The following CNTN3 variants were observed in gnomAD, a reference collection of about 807,000 sequenced individuals.
CNTN3 encodes the protein contactin 3.
Under a neutral mutation model 119.1 loss-of-function variants are expected in CNTN3, and 60 were observed. The observed-to-expected ratio is 0.50, with a 90% CI of 0.41 to 0.62. CNTN3 has a LOEUF of 0.62. CNTN3 is among the 20% of genes least tolerant of loss of function. CNTN3 has a pLI of 0.00. For missense variants in CNTN3, 1,101 were observed against 1,242.4 expected (o/e 0.89, Z 1.71); for synonymous variants, 450 against 438.7 (o/e 1.03, Z -0.32).
Position 74,456,301 on chromosome 3 carries a change from G to A in CNTN3, c.358+30155C>T, listed in dbSNP as rs116055937. Among the ~76,000 whole-genome samples the A allele has an allele frequency of 5.4e-3, 824 of 152,068 alleles. 9 individuals are homozygous for A. The highest frequency in any genetic ancestry group is 0.018 in the African/African-American group (757 of 41,506). On this transcript the variant is annotated intron_variant, in intron 4 of 22. Coordinates refer to ENST00000263665, the MANE Select transcript of CNTN3 (RefSeq NM_020872.3). ...ATGTTTAGTTAGTTACTTTTAAACT[G>A]CTTTACAAAACCCCTATCATCTTCC...
intron 13 of CNTN3, among the ~76,000 whole-genome samples, chr3:74,309,341 G>A (rs1449843207): frequency 1.3e-5 from 2 of 152,078 alleles, no homozygotes; most frequent in African/African-American, 4.8e-5. Flanking sequence ...CTGACCTCAA[G>A]TGATCCACCC....
At chr3:74,461,127 C>T (rs1025853473) in intron 4 of CNTN3, among the ~76,000 whole-genome samples, 3 of 151,800 alleles carry the variant, frequency 2.0e-5, no homozygotes, top group Admixed American at 6.6e-5. Context: ...TTCTTTCCCT[C>T]GCTGATATGA....
chr3:74,598,305 T>C (rs1204005172), intron 1 of CNTN3, among the ~76,000 whole-genome samples: 2 of 151,994 alleles, frequency 1.3e-5, no homozygotes, highest in Admixed American at 6.6e-5. Flanking sequence ...CCCAGCCATT[T>C]CGGTTGCCCC....
intron 22 of CNTN3, among the ~76,000 whole-genome samples, chr3:74,265,666 G>A (rs547572308): frequency 5.9e-5 from 9 of 152,084 alleles, no homozygotes; most frequent in Middle Eastern, 3.4e-3. Context: ...TTCTATTTCC[G>A]TTTCTCTTCA....
intron 1 of CNTN3, among the ~76,000 whole-genome samples, chr3:74,552,763 T>C (rs1704010430): frequency 6.7e-6 from 1 of 148,916 alleles, no homozygotes; most frequent in Non-Finnish European, 1.5e-5. Context: ...CTTATGATAG[T>C]GAGTGAGCTC....
chr3:74,314,807 G>T (rs1702789324), intron 13 of CNTN3, among the ~76,000 whole-genome samples: 1 of 152,096 alleles, frequency 6.6e-6, no homozygotes, highest in African/African-American at 2.4e-5. Flanking sequence ...GTATATAATG[G>T]ACATCTATAG....
intron 4 of CNTN3, among the ~76,000 whole-genome samples, chr3:74,460,593 T>C (rs1459429480): frequency 1.3e-5 from 2 of 151,572 alleles, no homozygotes; most frequent in Admixed American, 1.3e-4. Flanking sequence ...ATCAGTTCAT[T>C]ATCATATTAA....
Position 74,301,439 on chromosome 3 carries a change from T to C in CNTN3, c.2054A>G (p.Glu685Gly). 1 of 1,614,110 alleles carries C rather than the reference T, an allele frequency of 6.2e-7. No homozygotes were observed. Among genetic ancestry groups the C allele is most frequent in the South Asian group, 1.1e-5 (1 of 91,088 alleles). Residue 685 changes from glutamate (E) to glycine (G), a missense_variant, in exon 16 of 23, where the codon GAA becomes GGA. Glu to Gly is a moderately conservative substitution (Grantham distance 98). Coordinates refer to ENST00000263665, the MANE Select transcript of CNTN3 (RefSeq NM_020872.3). ...TACTTTTTCTGAGGGTAAACTTGGT[T>C]CTCCACCTCCAATTTTGTTACTGGC... ...VVASNKIGGG[E>G]PSLPSEKVRT...
At chr3:74,409,958 A>C (rs556692401) in intron 5 of CNTN3, among the ~76,000 whole-genome samples, 1 of 152,336 alleles carries the variant, frequency 6.6e-6, no homozygotes, top group Non-Finnish European at 1.5e-5. Context: ...TACTACTTCC[A>C]ACATACTTCA....
At chr3:74,266,704 T>C (rs1701668316) in intron 21 of CNTN3, 55 bp from the exon 22 acceptor site, 1 of 1,536,116 alleles carries the variant, frequency 6.5e-7, no homozygotes, top group South Asian at 1.1e-5. Flanking sequence ...TTTGTTTTCT[T>C]CATAGAATTT....
At chr3:74,366,492 G>A (rs1193396325) in intron 8 of CNTN3, among the ~76,000 whole-genome samples, 3 of 151,840 alleles carry the variant, frequency 2.0e-5, no homozygotes, top group Non-Finnish European at 4.4e-5. Flanking sequence ...CTCAGCTTGT[G>A]TTTTAAATCC....
At chr3:74,408,460 G>A (rs1156905932) in intron 5 of CNTN3, among the ~76,000 whole-genome samples, 3 of 152,132 alleles carry the variant, frequency 2.0e-5, no homozygotes, top group African/African-American at 4.8e-5. Context: ...TCAGGAGGCA[G>A]TGCATGTGTT....
chr3:74,344,653 G>T (rs761839157), intron 11 of CNTN3, among the ~76,000 whole-genome samples: 3 of 151,644 alleles, frequency 2.0e-5, no homozygotes, highest in Non-Finnish European at 2.9e-5. Context: ...TATAGACGAG[G>T]TTTCACCGTG....
chr3:74,515,793 C>G (rs1703440101), intron 2 of CNTN3, among the ~76,000 whole-genome samples: 1 of 152,024 alleles, frequency 6.6e-6, no homozygotes, highest in South Asian at 2.1e-4. Flanking sequence ...AATCATTTTC[C>G]TTTCAGCAAC....
chr3:74,398,129 A>G (rs546855521), intron 5 of CNTN3, among the ~76,000 whole-genome samples: 1 of 152,356 alleles, frequency 6.6e-6, no homozygotes, highest in East Asian at 1.9e-4. Context: ...TAAAGCAGTG[A>G]CAGGGTTTGA....
At chr3:74,335,749 T>C (rs1256462199) in intron 12 of CNTN3, among the ~76,000 whole-genome samples, 1 of 152,110 alleles carries the variant, frequency 6.6e-6, no homozygotes, top group East Asian at 1.9e-4. Flanking sequence ...GCCACTCCAC[T>C]TTTCAATCCA....
chr3:74,272,106 T>A (rs1384878616), intron 20 of CNTN3, among the ~76,000 whole-genome samples: 2 of 152,178 alleles, frequency 1.3e-5, no homozygotes, highest in African/African-American at 2.4e-5. Context: ...ATCTTTTGGC[T>A]TCCCTGGGCC....
intron 1 of CNTN3, among the ~76,000 whole-genome samples, chr3:74,541,173 A>T (rs568165407): frequency 6.6e-6 from 1 of 152,282 alleles, no homozygotes; most frequent in African/African-American, 2.4e-5. Flanking sequence ...ACATCGTGCC[A>T]TCGCCATTTT....
intron 1 of CNTN3, among the ~76,000 whole-genome samples, chr3:74,582,275 G>A (rs932795720): frequency 9.2e-5 from 14 of 151,948 alleles, no homozygotes; most frequent in South Asian, 2.1e-4. Flanking sequence ...GTATGGTGGC[G>A]GGCGCCTGTA....
Sources: gnomAD v4.1 joint callset for allele counts (sites outside exome capture counted in the v4.1 genomes callset) on GRCh38, gnomAD v4.1.1 for gene constraint, MANE v1.5 for transcripts, NCBI Gene and HGNC (gene_info 2026-07-23, HGNC 2026-07-21) for gene names.